The following ASPSCR1 variants were observed in gnomAD, a reference collection of about 807,000 sequenced individuals.
The protein encoded by ASPSCR1 is ASPSCR1 tether for SLC2A4, UBX domain containing, also known as tether containing UBX domain for GLUT4.
In ASPSCR1, 55 loss-of-function variants were observed where a neutral mutation model predicts 68.9. The observed-to-expected ratio is 0.80, with a 90% CI of 0.64 to 1.00. ASPSCR1 has a LOEUF of 1.00. ASPSCR1 is among the 50% of genes least tolerant of loss of function. ASPSCR1 has a pLI of 0.00. For synonymous variants in ASPSCR1, 352 were observed against 332.6 expected (o/e 1.06, Z -0.63); for missense variants, 765 against 762.2 (o/e 1.00, Z -0.04).
At position 81,983,527 on chromosome 17, in the gene ASPSCR1, G is replaced by C. The variant is rs376097160; in HGVS notation, c.159-27G>C. On this transcript the variant is annotated intron_variant, in intron 2 of 15. Transcript: ENST00000306739. The surrounding 1 kb of genome is among the most constrained non-coding windows in gnomAD (Gnocchi z 4.4). Reference sequence around the variant, plus strand: ...AGGGCGTGTCAGGCTCTGCAGGGCAGCAAGTGTGCTCTGGTCTGTCTTGCA... The same window carrying C: ...AGGGCGTGTCAGGCTCTGCAGGGCACCAAGTGTGCTCTGGTCTGTCTTGCA... 1.1e-4 allele frequency: 172 copies of C among 1,570,224 alleles called. No homozygotes were observed. Among genetic ancestry groups the C allele is most frequent in the Non-Finnish European group, 1.4e-4 (162 of 1,146,154 alleles).
rs2144092955 is a variant in ASPSCR1 at position 82,010,848 on chromosome 17, T to G, written c.1217T>G (p.Phe406Cys). Residue 406 changes from phenylalanine to cysteine, a missense_variant, in exon 10 of 16, where the codon TTC (phenylalanine) becomes TGC (cysteine). Physicochemically the swap from Phe to Cys is radical, Grantham distance 205. Coordinates refer to ENST00000306739, the MANE Select transcript of ASPSCR1 (RefSeq NM_024083.4). Reference protein sequence around the residue: ...LFPDRYVLQGFFRPSETVGDL... With the variant: ...LFPDRYVLQGCFRPSETVGDL... Reference sequence around the variant, plus strand: ...CCCGACCGCTACGTCCTACAGGGCTTCTTCCGCCCCAGCGAGACAGGTGGG... The same window carrying G: ...CCCGACCGCTACGTCCTACAGGGCTGCTTCCGCCCCAGCGAGACAGGTGGG... The G allele has an allele frequency of 5.6e-6, 9 of 1,612,956 alleles. No homozygotes were observed. Among genetic ancestry groups the G allele is most frequent in the Non-Finnish European group, 7.6e-6 (9 of 1,179,916 alleles).
At chr17:81,978,525 C>CA (rs545803667) in intron 1 of ASPSCR1, 8,685 of 111,656 alleles carry the variant, frequency 0.078, 433 homozygotes, top group African/African-American at 0.16. Context: ...GACTCCATAT[C>CA]AAAAAAAAAA....
At chr17:81,994,953 C>G in intron 5 of ASPSCR1, 75 bp downstream of exon 5, 1 of 1,459,532 alleles carries the variant, frequency 6.9e-7, no homozygotes, top group South Asian at 1.2e-5. Context: ...TCTGCTGTCC[C>G]GCAGCCGTCT....
chr17:82,016,987 G>A lies in ASPSCR1; in HGVS notation c.1522G>A (p.Asp508Asn), dbSNP rs1450047675. 1 of 1,612,586 alleles carries A rather than the reference G, an allele frequency of 6.2e-7. No homozygotes were observed. Among genetic ancestry groups the A allele is most frequent in the East Asian group, 2.2e-5 (1 of 44,876 alleles). Residue 508 changes from aspartate (D) to asparagine (N), a missense_variant, in exon 15 of 16, where the codon GAC (aspartate) becomes AAC (asparagine). By Grantham distance (23) the Asp-to-Asn change is conservative (BLOSUM62 1). Transcript: ENST00000306739. ...AGSPSPLPAP[D>N]PAPKSEPAAE... ...GTCCCCTTCCCCATTGCCAGCCCCT[G>A]ACCCTGCACCTAAGTCTGAGCCAGC...
chr17:81,995,256 T>C, intron 5 of ASPSCR1: 3 of 317,398 alleles, frequency 9.5e-6, no homozygotes, highest in Non-Finnish European at 1.1e-5. Flanking sequence ...GCCTTTTGTT[T>C]CCACGCTGGC....
At chr17:82,012,585 G>C (rs994194864) in intron 12 of ASPSCR1, among the ~76,000 whole-genome samples, 2 of 152,160 alleles carry the variant, frequency 1.3e-5, no homozygotes, top group Non-Finnish European at 2.9e-5. Context: ...GGGCCAAGGC[G>C]GCAGCAGTCC....
At position 82,014,565 on chromosome 17, in the gene ASPSCR1, C is replaced by G. The variant is rs1598437264; in HGVS notation, c.1354-1911C>G. 3.7e-5 allele frequency: 6 copies of G among 164,190 alleles called. No individual in the cohort carries two copies. The South Asian group carries it at 9.6e-4, about 26-fold the overall frequency. 10.2% of individuals were successfully genotyped at this position (164,190 alleles called of 1,614,324 possible). ...CGAGGCACTGTGGTGCCGCCTTCCTCCCGGGCACGGTGGTGCCGCCTCCCT... is the reference window on the plus strand; with the variant it reads ...CGAGGCACTGTGGTGCCGCCTTCCTGCCGGGCACGGTGGTGCCGCCTCCCT... On this transcript the variant is annotated intron_variant, in intron 12 of 15. Transcript: ENST00000306739.
At chr17:81,997,346 G>A (rs148628387) in intron 7 of ASPSCR1, among the ~76,000 whole-genome samples, 4 of 152,274 alleles carry the variant, frequency 2.6e-5, no homozygotes, top group Admixed American at 6.5e-5. Context: ...GGTAACTTCC[G>A]GGTTATGGCC....
chr17:82,016,547 GC>G lies in ASPSCR1; in HGVS notation c.1405+22del, dbSNP rs1568000362. ...CGGCAGGTGAGTGTCAGTGGTTGGG[GC>G]CAGTGTCGGAGTCCAGCCAGCCTGT... On this transcript the variant is annotated intron_variant, in intron 13 of 15. Coordinates refer to ENST00000306739, the MANE Select transcript of ASPSCR1 (RefSeq NM_024083.4). The G allele has an allele frequency of 1.9e-6, 3 of 1,549,218 alleles. No homozygotes were observed. The Admixed American group carries it at 5.9e-5, about 30-fold the overall frequency.
rs1351346831 is a variant in ASPSCR1, at chr17:81,977,706, G to C, written c.60G>C (p.Arg20=). The change falls in exon 1 of 16, where the codon CGG becomes CGC. Residue 20 remains arginine, a synonymous_variant. Coordinates refer to ENST00000306739, the MANE Select transcript of ASPSCR1 (RefSeq NM_024083.4). The surrounding 1 kb of genome is among the most constrained non-coding windows in gnomAD (Gnocchi z 5.0). ...TGTCGGTGCTGGCCCCGAACGGCCG[G>C]CGCCACACGGTGAAGGTGACGCCGA... ...SAVSVLAPNG[R]RHTVKVTPST... 1 of 1,355,294 alleles carries C rather than the reference G, an allele frequency of 7.4e-7. No individual in the cohort carries two copies. Among genetic ancestry groups the C allele is most frequent in the East Asian group, 3.1e-5 (1 of 31,768 alleles). 84.0% of individuals were successfully genotyped at this position (1,355,294 alleles called of 1,614,324 possible).
At chr17:82,011,466 C>CAGTG in intron 10 of ASPSCR1, 77 bp from the exon 11 acceptor site, 3 of 1,353,104 alleles carry the variant, frequency 2.2e-6, no homozygotes, top group Non-Finnish European at 3.0e-6. Flanking sequence ...AGGGTGGGAG[C>CAGTG]AGTGGCCCAG....
At chr17:81,978,304 C>G (rs1246129554) in intron 1 of ASPSCR1, 2 of 152,160 alleles carry the variant, frequency 1.3e-5, no homozygotes, top group Admixed American at 6.5e-5. Context: ...GGGTGGATCA[C>G]GAGGTCAAGA....
chr17:82,011,455 G>A lies in ASPSCR1; in HGVS notation c.1238-88G>A, dbSNP rs2042938648. Reference sequence around the variant, plus strand: ...TCCCACCCCTCGGGGAAAGGCCCAGGAGGGTGGGAGCAGTGGCCCAGGTGC... The same window carrying A: ...TCCCACCCCTCGGGGAAAGGCCCAGAAGGGTGGGAGCAGTGGCCCAGGTGC... On this transcript the variant is annotated intron_variant, in intron 10 of 15. Coordinates refer to ENST00000306739, the MANE Select transcript of ASPSCR1 (RefSeq NM_024083.4). The A allele has an allele frequency of 3.2e-6, 4 of 1,257,620 alleles. No homozygotes were observed. The African/African-American group carries it at 6.2e-5, about 20-fold the overall frequency. The allele number at this position is 1,257,620 out of a possible 1,614,324, so 77.9% of individuals were successfully genotyped here.
At position 82,017,216 on chromosome 17, in the gene ASPSCR1, G is replaced by A. The variant is rs532457952; in HGVS notation, c.1649-93G>A. 215 of 1,592,030 alleles carry A rather than the reference G, an allele frequency of 1.4e-4. 2 individuals are homozygous for A. The South Asian group carries it at 2.0e-3, about 15-fold the overall frequency. Reference sequence around the variant, plus strand: ...GGCTGGGGGGCTAGGTGCTGTGGCCGGCAGGGCCGAGTGCTTCAGCCGGGC... The same window carrying A: ...GGCTGGGGGGCTAGGTGCTGTGGCCAGCAGGGCCGAGTGCTTCAGCCGGGC... On this transcript the variant is annotated intron_variant, in intron 15 of 15. Coordinates refer to ENST00000306739, the MANE Select transcript of ASPSCR1 (RefSeq NM_024083.4).
In ASPSCR1 at chr17:81,983,281, CCA is replaced by C. The variant is rs966098481; in HGVS notation, c.159-272_159-271del. 2.0e-5 allele frequency among the ~76,000 whole-genome samples: 3 copies of C among 152,184 alleles called. No individual in the cohort carries two copies. Reference sequence around the variant, plus strand: ...CGTCTGCACTGGGGCTGTCAGCACCCCAGACTCTGAAGGAGCAGCCCCCTCGG... The same window carrying C: ...CGTCTGCACTGGGGCTGTCAGCACCCGACTCTGAAGGAGCAGCCCCCTCGG... On this transcript the variant is annotated intron_variant, in intron 2 of 15. Transcript: ENST00000306739. This position sits in a 1 kb window ranked among gnomAD's most constrained non-coding sequence, Gnocchi z 4.4.
rs964928441 is a variant in ASPSCR1 at position 81,991,730 on chromosome 17, C to T, written c.375-3091C>T. ...CTGGGCTGTCATGTGGTGGGTGATG[C>T]CCTCTGCGGGCCTCCCTGAGCCCAG... On this transcript the variant is annotated intron_variant, in intron 4 of 15. Transcript: ENST00000306739. Among the ~76,000 whole-genome samples the T allele has an allele frequency of 2.0e-5, 3 of 152,364 alleles. No homozygotes were observed. The East Asian group carries it at 5.8e-4, about 29-fold the overall frequency.
Position 81,996,738 on chromosome 17 carries a change from C to T in ASPSCR1, c.825C>T (p.Ser275=), listed in dbSNP as rs1349567480. 2.5e-6 allele frequency: 4 copies of T among 1,613,342 alleles called. No homozygotes were observed. The African/African-American group carries it at 5.3e-5, about 22-fold the overall frequency. The change falls in exon 7 of 16, where the codon AGC becomes AGT. Residue 275 remains serine (S), a synonymous_variant. Transcript: ENST00000306739. ...CTAAGTTGCCGAAGTCCCTCTCCAGCCCTGGAGGCCCCTCCAAGCCAAAGA... is the reference window on the plus strand; with the variant it reads ...CTAAGTTGCCGAAGTCCCTCTCCAGTCCTGGAGGCCCCTCCAAGCCAAAGA... ...SSAKLPKSLS[S]PGGPSKPKKS... is the part of the protein sequence containing the mutation.
At chr17:82,015,808 C>G (rs894057652) in intron 12 of ASPSCR1, 1 of 206,942 alleles carries the variant, frequency 4.8e-6, no homozygotes, top group African/African-American at 2.3e-5. Context: ...TCCGGCGCCT[C>G]TCCAGGGCCA....
intron 2 of ASPSCR1, among the ~76,000 whole-genome samples, chr17:81,979,824 C>A (rs1457124053): frequency 6.6e-6 from 1 of 152,202 alleles, no homozygotes; most frequent in East Asian, 1.9e-4. Context: ...TACACGTACG[C>A]TTCTGTGTGG....
Sources: gnomAD v4.1 joint callset for allele counts (sites outside exome capture counted in the v4.1 genomes callset) on GRCh38, gnomAD v4.1.1 for gene constraint, Gnocchi (gnomAD v3.1) non-coding constraint, MANE v1.5 for transcripts, NCBI Gene and HGNC (gene_info 2026-07-23, HGNC 2026-07-21) for gene names.